The following PDZD9 variants were observed in gnomAD, a reference collection of about 807,000 sequenced individuals.
PDZD9 encodes PDZ domain containing 9.
Under a neutral mutation model 16.3 loss-of-function variants are expected in PDZD9, and 13 were observed. The observed-to-expected ratio is 0.80, with a 90% CI of 0.52 to 1.27. The LOEUF is 1.27. Among genes scored for constraint, PDZD9 ranks in the 50% most tolerant of loss-of-function variants. The pLI, the probability that PDZD9 is intolerant of heterozygous loss-of-function variation, is 0.00. For missense variants in PDZD9, 288 were observed against 310.9 expected, an observed-to-expected ratio of 0.93 and a Z score of 0.55; for synonymous variants, 120 against 111.0, an observed-to-expected ratio of 1.08 and a Z score of -0.51.
chr16:21,993,397 T>A (rs968673331), intron 2 of PDZD9, among the ~76,000 whole-genome samples: 2 of 152,096 alleles, frequency 1.3e-5, no homozygotes, highest in Non-Finnish European at 2.9e-5. Flanking sequence ...TGTCCTGGAG[T>A]TCTTTTGTTC....
chr16:21,965,373 G>A, the PDZD9 span: 1 of 1,592,420 alleles, frequency 6.3e-7, no homozygotes, highest in Non-Finnish European at 8.6e-7. Flanking sequence ...TACTGAAAGT[G>A]CATTTCCCTA....
At chr16:21,962,588 A>G in the PDZD9 span, 6 of 1,603,336 alleles carry the variant, frequency 3.7e-6, no homozygotes, top group Admixed American at 1.7e-5. Context: ...GGTCTTTGTA[A>G]TGCGTCATTA....
intron 2 of PDZD9, among the ~76,000 whole-genome samples, chr16:21,990,903 C>T (rs2141958278): frequency 6.6e-6 from 1 of 152,286 alleles, no homozygotes; most frequent in Admixed American, 6.5e-5. Context: ...ACAGAAACAC[C>T]AATTTCGTAC....
downstream of PDZD9, among the ~76,000 whole-genome samples, chr16:21,979,857 C>T (rs1898673428): frequency 6.6e-6 from 1 of 152,124 alleles, no homozygotes; most frequent in South Asian, 2.1e-4. Context: ...TATATGTGGT[C>T]CATCATTGAC....
At chr16:21,973,879 GTC>G in the PDZD9 span, 51 of 1,610,340 alleles carry the variant, frequency 3.2e-5, no homozygotes, top group East Asian at 1.0e-3. Context: ...ATACAGTAAA[GTC>G]TCATTATCTT....
the PDZD9 span, among the ~76,000 whole-genome samples, chr16:21,978,045 G>A: frequency 3.3e-5 from 5 of 152,096 alleles, no homozygotes; most frequent in Non-Finnish European, 7.4e-5. Flanking sequence ...TTAAGAAAAC[G>A]TATTTTCTTA....
downstream of PDZD9, chr16:21,980,649 A>G (rs748653430): frequency 6.2e-7 from 1 of 1,614,208 alleles, no homozygotes. Flanking sequence ...ACATGCCACC[A>G]TCCACAGTCC....
the PDZD9 span, chr16:21,958,537 G>C: frequency 6.2e-7 from 1 of 1,611,502 alleles, no homozygotes; most frequent in Admixed American, 1.7e-5. Flanking sequence ...TTTTCAAGAC[G>C]ACAAAAGGAG....
chr16:21,973,033 G>A, the PDZD9 span, among the ~76,000 whole-genome samples: 3 of 152,250 alleles, frequency 2.0e-5, 1 homozygote, highest in East Asian at 5.8e-4. Flanking sequence ...CCAGGAGGCG[G>A]AGGATTCAGT....
At chr16:21,983,738 GTC>G (rs1310413906), downstream of PDZD9, 1 of 152,910 alleles carries the variant, frequency 6.5e-6, no homozygotes, top group African/African-American at 2.4e-5. Flanking sequence ...CTCATCTCCT[GTC>G]TCTCCCTTAT....
chr16:21,983,223 A>T, downstream of PDZD9: 3 of 1,522,814 alleles, frequency 2.0e-6, no homozygotes, highest in Non-Finnish European at 2.7e-6. Context: ...AGCCCAGAGC[A>T]GCAAACACAT....
Position 21,991,530 on chromosome 16 carries a change from C to T in PDZD9, c.212-2739G>A, listed in dbSNP as rs184775855. 6.0e-4 allele frequency among the ~76,000 whole-genome samples: 91 copies of T among 152,228 alleles called. 1 individual carries two copies. The highest frequency in any genetic ancestry group is 1.0e-4 in the Non-Finnish European group (7 of 68,026). On this transcript the variant is annotated intron_variant, in intron 2 of 3. Coordinates refer to ENST00000424898, the MANE Select transcript of PDZD9 (RefSeq NM_001363519.1). ...GATTCCAGGTGTGTGCTATCGCACC[C>T]GGCCTACATTAATTTCTCAAGACTT... is the stretch of plus-strand genomic sequence containing the variant.
At chr16:21,965,177 C>G in the PDZD9 span, among the ~76,000 whole-genome samples, 1 of 152,292 alleles carries the variant, frequency 6.6e-6, no homozygotes, top group Middle Eastern at 3.4e-3. Flanking sequence ...TAGGTGGACT[C>G]CAGTATATAG....
chr16:21,992,263 TAAA>T (rs572741047), intron 2 of PDZD9, among the ~76,000 whole-genome samples: 2 of 151,894 alleles, frequency 1.3e-5, no homozygotes, highest in Non-Finnish European at 2.9e-5. Flanking sequence ...AAATTGGAGT[TAAA>T]AAAAGATAAT....
At chr16:21,976,521 G>T in the PDZD9 span, 1 of 299,936 alleles carries the variant, frequency 3.3e-6, no homozygotes, top group Non-Finnish European at 6.2e-6. Flanking sequence ...GCAAGACCTC[G>T]TCTCCACCAA....
At chr16:21,972,984 C>A in the PDZD9 span, among the ~76,000 whole-genome samples, 1 of 152,194 alleles carries the variant, frequency 6.6e-6, no homozygotes, top group Non-Finnish European at 1.5e-5. Context: ...CCTGTAGTCC[C>A]AGCTACTTGG....
chr16:21,968,107 T>G, the PDZD9 span, among the ~76,000 whole-genome samples: 1 of 150,236 alleles, frequency 6.7e-6, no homozygotes, highest in Non-Finnish European at 1.5e-5. Context: ...ATTCAAACAA[T>G]TCTCGTGCCT....
At chr16:21,962,348 C>G in the PDZD9 span, 3 of 1,304,610 alleles carry the variant, frequency 2.3e-6, no homozygotes, top group South Asian at 1.3e-5. Context: ...ATTGTTCGCA[C>G]CTTTTATACT....
Position 22,001,025 on chromosome 16 carries a change from T to C in PDZD9, c.23A>G (p.Asn8Ser), listed in dbSNP as rs759445232. The C allele has an allele frequency of 6.5e-7, 1 of 1,532,880 alleles. No individual in the cohort carries two copies. Among genetic ancestry groups the C allele is most frequent in the South Asian group, 1.2e-5 (1 of 83,268 alleles). 95.0% of individuals were successfully genotyped at this position (1,532,880 alleles called of 1,614,324 possible). ...TCCTTCTCCCCAGTTACCTTTTTTG[T>C]TTTTGTGGGAGGCCTTCTGCATGGT... MQKASHK[N>S]KKERGVSNKV... Residue 8 changes from asparagine (N) to serine (S), a missense_variant, in exon 1 of 4, where the codon AAC becomes AGC. Asn to Ser is a conservative substitution (Grantham distance 46, BLOSUM62 1). Transcript: ENST00000424898.
Sources: gnomAD v4.1 joint callset for allele counts (sites outside exome capture counted in the v4.1 genomes callset) on GRCh38, gnomAD v4.1.1 for gene constraint, MANE v1.5 for transcripts, NCBI Gene and HGNC (gene_info 2026-07-23, HGNC 2026-07-21) for gene names.